The following IRAK2 variants were observed in gnomAD, a reference collection of about 807,000 sequenced individuals.
IRAK2 encodes the protein interleukin-1 receptor-associated kinase-like 2.
A neutral mutation model predicts 72.0 loss-of-function variants in IRAK2; 57 were observed. The ratio of observed to expected loss-of-function variants is 0.79; its 90% confidence interval spans 0.64 to 0.99. The LOEUF is 0.99. Among genes scored for constraint, IRAK2 ranks in the 50% least tolerant of loss-of-function variants. IRAK2 has a pLI of 0.00. For missense variants in IRAK2, 790 were observed against 794.4 expected (o/e 0.99, Z 0.07); for synonymous variants, 293 against 312.7 (o/e 0.94, Z 0.67).
intron 7 of IRAK2, among the ~76,000 whole-genome samples, chr3:10,218,848 A>C (rs984756871): frequency 1.3e-5 from 2 of 152,200 alleles, no homozygotes; most frequent in African/African-American, 4.8e-5. Flanking sequence ...TTCCAAAATT[A>C]TACAGCTAAT....
chr3:10,192,755 C>T (rs1697197450), intron 2 of IRAK2, among the ~76,000 whole-genome samples: 1 of 152,150 alleles, frequency 6.6e-6, no homozygotes, highest in South Asian at 2.1e-4. Context: ...CCCGTCTCTA[C>T]TAAAAATACA....
intron 1 of IRAK2, among the ~76,000 whole-genome samples, chr3:10,176,551 C>T (rs9823235): frequency 0.034 from 5,172 of 152,032 alleles, 286 homozygotes; most frequent in African/African-American, 0.12. Context: ...GATCTTGGCT[C>T]ATTGCAAGCT....
rs565591601 is a variant in IRAK2, at chr3:10,212,224, T to G, written c.529-983T>G. The stretch of plus-strand genomic sequence containing the variant: ...AGCTTGTCTTACTTGCCCATGGTTG[T>G]GTGCAGCCCAGGATGGCTTTGAATG... On this transcript the variant is annotated intron_variant, in intron 4 of 12. Coordinates refer to ENST00000256458, the MANE Select transcript of IRAK2 (RefSeq NM_001570.4). Among the ~76,000 whole-genome samples, 4 of 152,320 alleles carry G rather than the reference T, an allele frequency of 2.6e-5. 1 individual carries two copies. Among genetic ancestry groups the G allele is most frequent in the African/African-American group, 9.6e-5 (4 of 41,562 alleles).
intron 2 of IRAK2, among the ~76,000 whole-genome samples, chr3:10,183,742 A>G (rs1697001009): frequency 1.3e-5 from 2 of 152,032 alleles, no homozygotes; most frequent in Non-Finnish European, 2.9e-5. Flanking sequence ...TAAATAAATA[A>G]ATAAGAGAAT....
intron 12 of IRAK2, among the ~76,000 whole-genome samples, chr3:10,240,569 T>G (rs1270225005): frequency 1.6e-5 from 1 of 63,714 alleles, no homozygotes; most frequent in Non-Finnish European, 2.7e-5. Flanking sequence ...TTTTTTTTTT[T>G]TTGTTTTGAG....
At chr3:10,165,817 G>A (rs868395345) in intron 1 of IRAK2, among the ~76,000 whole-genome samples, 8 of 139,060 alleles carry the variant, frequency 5.8e-5, no homozygotes, top group Non-Finnish European at 1.2e-4. Context: ...TGCAAGCTCC[G>A]CCTCCCGGGT....
intron 2 of IRAK2, among the ~76,000 whole-genome samples, chr3:10,190,414 G>A (rs2125147830): frequency 6.6e-6 from 1 of 151,024 alleles, no homozygotes; most frequent in Admixed American, 6.6e-5. Context: ...CCGAGTAGCT[G>A]GGACTACTGG....
rs1249541561 is a variant in IRAK2, at chr3:10,208,762, C to CA, written c.425-815dup. Reference sequence around the variant, plus strand: ...TGGGCAACAGAGGGAGACTCCATCTCAAAAAAAAAAAAGAAAAAAAATCTT... The same window carrying CA: ...TGGGCAACAGAGGGAGACTCCATCTCAAAAAAAAAAAAAGAAAAAAAATCTT... On this transcript the variant is annotated intron_variant, in intron 3 of 12. Coordinates refer to ENST00000256458, the MANE Select transcript of IRAK2 (RefSeq NM_001570.4). Among the ~76,000 whole-genome samples, 353 of 127,568 alleles carry CA rather than the reference C, an allele frequency of 2.8e-3. 2 individuals are homozygous for CA. The highest frequency in any genetic ancestry group is 7.6e-3 in the African/African-American group (261 of 34,422). 83.7% of individuals were successfully genotyped at this position (127,568 alleles called of 152,430 possible). A position where few individuals can be genotyped will look rare whatever the true frequency, so the allele number is the denominator to read the frequency against.
intron 7 of IRAK2, among the ~76,000 whole-genome samples, chr3:10,218,189 C>T (rs141070360): frequency 1.1e-4 from 17 of 152,196 alleles, no homozygotes; most frequent in African/African-American, 3.4e-4. Context: ...ATTGGGAAGC[C>T]GAGGTGGGTG....
At chr3:10,209,251 T>C (rs756031122) in intron 3 of IRAK2, among the ~76,000 whole-genome samples, 53 of 152,146 alleles carry the variant, frequency 3.5e-4, no homozygotes, top group South Asian at 1.5e-3. Context: ...GGAGGTGAGA[T>C]AGTGCAGGGC....
chr3:10,165,881 C>T (rs902081843), intron 1 of IRAK2, among the ~76,000 whole-genome samples: 2 of 152,126 alleles, frequency 1.3e-5, no homozygotes, highest in South Asian at 4.2e-4. Context: ...CAGGCGCCCG[C>T]CACCACGCCC....
chr3:10,240,537 G>T (rs1418899976), intron 12 of IRAK2, among the ~76,000 whole-genome samples: 1 of 9,142 alleles, frequency 1.1e-4, no homozygotes, highest in Non-Finnish European at 1.7e-4. Context: ...AAATTAGGAA[G>T]CCCCCCCCCC....
intron 7 of IRAK2, among the ~76,000 whole-genome samples, chr3:10,217,620 C>A (rs529229913): frequency 6.6e-6 from 1 of 152,262 alleles, no homozygotes; most frequent in African/African-American, 2.4e-5. Context: ...TGCTAGGGAG[C>A]AGAACTAGGT....
intron 10 of IRAK2, among the ~76,000 whole-genome samples, chr3:10,228,136 T>G (rs1222907751): frequency 2.6e-5 from 4 of 151,790 alleles, no homozygotes; most frequent in Admixed American, 1.3e-4. Flanking sequence ...TTTTGCAGAG[T>G]TTCAAATCTC....
chr3:10,198,158 C>T (rs1177842437), intron 2 of IRAK2, among the ~76,000 whole-genome samples: 1 of 152,184 alleles, frequency 6.6e-6, no homozygotes, highest in Non-Finnish European at 1.5e-5. Flanking sequence ...AAGATCACAC[C>T]ACTGCACTCC....
Position 10,242,359 on chromosome 3 carries a change from G to A in IRAK2, c.*131G>A. The A allele has an allele frequency of 1.9e-6, 1 of 522,172 alleles. No individual in the cohort carries two copies. Among genetic ancestry groups the A allele is most frequent in the Non-Finnish European group, 3.4e-6 (1 of 293,802 alleles). The allele number at this position is 522,172 out of a possible 1,614,324, so 32.3% of individuals were successfully genotyped here. On this transcript the variant is annotated 3_prime_UTR_variant, in exon 13 of 13. Coordinates refer to ENST00000256458, the MANE Select transcript of IRAK2 (RefSeq NM_001570.4). ...AAAACATCTGCTGTCCTGGGTGGGA[G>A]GGAAACTTCATTTCACTGGAATGAG...
chr3:10,218,172 C>T (rs1010762762), intron 7 of IRAK2, among the ~76,000 whole-genome samples: 1 of 152,110 alleles, frequency 6.6e-6, no homozygotes, highest in African/African-American at 2.4e-5. Flanking sequence ...GCCTGTAATC[C>T]CAGTACATTG....
At chr3:10,186,088 A>C (rs1697070704) in intron 2 of IRAK2, among the ~76,000 whole-genome samples, 1 of 151,446 alleles carries the variant, frequency 6.6e-6, no homozygotes, top group Non-Finnish European at 1.5e-5. Flanking sequence ...CAACAACAAC[A>C]ACAAAACACT....
chr3:10,236,187 G>C (rs1697954756), intron 11 of IRAK2, among the ~76,000 whole-genome samples: 1 of 151,994 alleles, frequency 6.6e-6, no homozygotes, highest in African/African-American at 2.4e-5. Flanking sequence ...TGAGCTGAGA[G>C]AGAGCTCAGC....
Sources: allele counts gnomAD v4.1 joint callset (sites outside exome capture counted in the v4.1 genomes callset), GRCh38; gene constraint gnomAD v4.1.1; transcripts MANE v1.5; gene names NCBI Gene and HGNC (gene_info 2026-07-23, HGNC 2026-07-21).